Variants in CD226 observed in about 807,000 individuals in gnomAD.
CD226 encodes the protein CD226 molecule.
Under a neutral mutation model 34.9 loss-of-function variants are expected in CD226, and 24 were observed. The ratio of observed to expected loss-of-function variants is 0.69; its 90% CI spans 0.50 to 0.97. The LOEUF (loss-of-function observed/expected upper bound fraction) is 0.97. CD226 is among the 50% of genes least tolerant of loss of function. The pLI, the probability that CD226 is intolerant of heterozygous loss-of-function variation, is 0.00. For synonymous variants in CD226, 148 were observed against 147.4 expected (o/e 1.00, Z -0.03); for missense variants, 397 against 412.7 (o/e 0.96, Z 0.33).
At chr18:69,902,224 G>C (rs1435021527) in intron 2 of CD226, among the ~76,000 whole-genome samples, 4 of 151,974 alleles carry the variant, frequency 2.6e-5, no homozygotes, top group African/African-American at 9.7e-5. Flanking sequence ...ACCTCTAAAC[G>C]GGATCTTTCT....
chr18:69,887,557 G>A (rs1052963241), intron 3 of CD226, among the ~76,000 whole-genome samples: 5 of 151,976 alleles, frequency 3.3e-5, no homozygotes, highest in African/African-American at 4.8e-5. Flanking sequence ...TATTTTACCC[G>A]TGTCCATCAT....
chr18:69,931,093 T>C (rs921757492), intron 2 of CD226, among the ~76,000 whole-genome samples: 2 of 152,110 alleles, frequency 1.3e-5, no homozygotes, highest in African/African-American at 4.8e-5. Context: ...GGGACATGGA[T>C]GAAACTGGAA....
chr18:69,907,478 T>C (rs1474399691), intron 2 of CD226, among the ~76,000 whole-genome samples: 1 of 152,090 alleles, frequency 6.6e-6, no homozygotes, highest in African/African-American at 2.4e-5. Context: ...CAGCTAAATT[T>C]TTTGTATTTT....
chr18:69,878,288 A>ACTTTT (rs57962175), intron 3 of CD226, among the ~76,000 whole-genome samples: 65,915 of 151,530 alleles, frequency 0.43, 14,537 homozygotes, highest in Middle Eastern at 0.61. Context: ...TAAAACCATT[A>ACTTTT]CCTTACATCA....
intron 3 of CD226, among the ~76,000 whole-genome samples, chr18:69,893,976 G>A (rs1469870913): frequency 6.6e-6 from 1 of 152,066 alleles, no homozygotes; most frequent in Non-Finnish European, 1.5e-5. Flanking sequence ...GTCTATAAAG[G>A]GACAGCCAAA....
At chr18:69,890,744 G>A (rs751467022) in intron 3 of CD226, among the ~76,000 whole-genome samples, 1 of 152,110 alleles carries the variant, frequency 6.6e-6, no homozygotes, top group Non-Finnish European at 1.5e-5. Context: ...CATGCTGACA[G>A]TATCTCTCTA....
chr18:69,886,088 G>A (rs372136909), intron 3 of CD226, among the ~76,000 whole-genome samples: 4 of 152,072 alleles, frequency 2.6e-5, no homozygotes, highest in Admixed American at 2.0e-4. Flanking sequence ...CTTCCACTTT[G>A]AGCAGAAAAG....
intron 2 of CD226, among the ~76,000 whole-genome samples, chr18:69,942,836 C>G (rs1363699362): frequency 6.6e-6 from 1 of 152,188 alleles, no homozygotes; most frequent in African/African-American, 2.4e-5. Flanking sequence ...CTTTACACCT[C>G]CACTGTGCCC....
intron 3 of CD226, among the ~76,000 whole-genome samples, chr18:69,882,723 T>C (rs1568166921): frequency 6.6e-6 from 1 of 152,192 alleles, no homozygotes; most frequent in Non-Finnish European, 1.5e-5. Context: ...CTTAGTGAAT[T>C]AGTGTGCAGA....
chr18:69,952,914 AT>A (rs1178674372), intron 1 of CD226, among the ~76,000 whole-genome samples: 1 of 152,204 alleles, frequency 6.6e-6, no homozygotes, highest in East Asian at 1.9e-4. Context: ...AAACAACCCA[AT>A]TTTCAAATGG....
At chr18:69,960,505 A>G (rs999246482), upstream of CD226, among the ~76,000 whole-genome samples, 2 of 152,190 alleles carry the variant, frequency 1.3e-5, no homozygotes, top group Admixed American at 1.3e-4. Context: ...GCTGGAGCAC[A>G]GTGACACGAT....
intron 2 of CD226, among the ~76,000 whole-genome samples, chr18:69,912,844 A>G (rs544674592): frequency 6.6e-6 from 1 of 152,306 alleles, no homozygotes; most frequent in East Asian, 1.9e-4. Context: ...GAGAAGAATC[A>G]GTCTTTGGAT....
In CD226 at chr18:69,895,806, C is replaced by T. The variant is rs143019865; in HGVS notation, c.622G>A (p.Val208Ile). 3.2e-5 allele frequency: 52 copies of T among 1,614,158 alleles called. No homozygotes were observed. In the Middle Eastern group the frequency reaches 1.2e-3, roughly 36 times the overall value. Residue 208 changes from valine to isoleucine, a missense_variant, in exon 3 of 6, where the codon GTC becomes ATC. Val to Ile is a conservative substitution (Grantham distance 29). Coordinates refer to ENST00000582621, the MANE Select transcript of CD226 (RefSeq NM_001303618.2). ...NCSHGRWSVI[V>I]IPDVTVSDSG... ...TCTGAGACTGTGACATCGGGGATGA[C>T]GATGACGCTCCACCTTCCGTGGCTG...
At chr18:69,924,573 G>C (rs1330455065) in intron 2 of CD226, among the ~76,000 whole-genome samples, 1 of 144,806 alleles carries the variant, frequency 6.9e-6, no homozygotes, top group Non-Finnish European at 1.5e-5. Flanking sequence ...ACCAAAACAT[G>C]TTTTTGAAAG....
chr18:69,883,809 C>A (rs1034248837), intron 3 of CD226, among the ~76,000 whole-genome samples: 1 of 152,204 alleles, frequency 6.6e-6, no homozygotes, highest in African/African-American at 2.4e-5. Context: ...TATTAAAAGG[C>A]AACCAACACA....
chr18:69,901,440 G>C (rs1201185130), intron 2 of CD226, among the ~76,000 whole-genome samples: 2 of 152,144 alleles, frequency 1.3e-5, no homozygotes, highest in Non-Finnish European at 2.9e-5. Flanking sequence ...TTAATCAAGG[G>C]AAAGAGAGAG....
intron 3 of CD226, among the ~76,000 whole-genome samples, chr18:69,878,624 ACT>A (rs771288266): frequency 1.3e-5 from 2 of 152,144 alleles, no homozygotes; most frequent in East Asian, 1.9e-4. Flanking sequence ...GCAGGTCCTG[ACT>A]CTCTAACATC....
chr18:69,856,676 T>G lies in CD226; in HGVS notation c.*7638A>C, dbSNP rs1486984767. On this transcript the variant is annotated 3_prime_UTR_variant, in exon 6 of 6. Coordinates refer to ENST00000582621, the MANE Select transcript of CD226 (RefSeq NM_001303618.2). ...TAAAGTAGAAAAATCCCAAAATATA[T>G]AGAGATTAAACAACACATTGTAAAT... 1 of 152,074 alleles carries G rather than the reference T, an allele frequency of 6.6e-6. No individual in the cohort carries two copies. The highest frequency in any genetic ancestry group is 1.5e-5 in the Non-Finnish European group (1 of 68,004). The allele number at this position is 152,074 out of a possible 1,614,324, so 9.4% of individuals were successfully genotyped here.
chr18:69,915,431 G>C (rs1049779566), intron 2 of CD226, among the ~76,000 whole-genome samples: 2 of 152,128 alleles, frequency 1.3e-5, no homozygotes, highest in African/African-American at 4.8e-5. Context: ...TGGAAGCAAA[G>C]ATGAAATGGA....
Sources: allele counts gnomAD v4.1 joint callset (sites outside exome capture counted in the v4.1 genomes callset), GRCh38; gene constraint gnomAD v4.1.1; transcripts MANE v1.5; gene names NCBI Gene and HGNC (gene_info 2026-07-23, HGNC 2026-07-21).